Variants in CTNNA2 observed in about 807,000 individuals in gnomAD.
The protein encoded by CTNNA2 is catenin alpha-2.
In CTNNA2, 42 loss-of-function variants were observed where a neutral mutation model predicts 101.0. The observed-to-expected ratio is 0.42, with a 90% CI of 0.32 to 0.54. CTNNA2 has a LOEUF of 0.54. Among genes scored for constraint, CTNNA2 ranks in the 20% least tolerant of loss-of-function variants. The pLI is 0.14. For synonymous variants in CTNNA2, 450 were observed against 456.4 expected (o/e 0.99, Z 0.18); for missense variants, 871 against 1,223.1 (o/e 0.71, Z 4.29).
chr2:79,634,977 G>A (rs1679923519), intron 1 of CTNNA2, among the ~76,000 whole-genome samples: 1 of 152,100 alleles, frequency 6.6e-6, no homozygotes, highest in Non-Finnish European at 1.5e-5. Context: ...ATGGGACAGT[G>A]ACATGATGTC....
intron 3 of CTNNA2, among the ~76,000 whole-genome samples, chr2:79,328,560 T>G (rs940631612): frequency 1.3e-5 from 2 of 152,148 alleles, no homozygotes; most frequent in African/African-American, 4.8e-5. Context: ...TATTAAGGGC[T>G]GGTAGTGTGT....
At chr2:79,661,103 TAA>T (rs1431223685) in intron 2 of CTNNA2, among the ~76,000 whole-genome samples, 2 of 152,224 alleles carry the variant, frequency 1.3e-5, no homozygotes, top group Non-Finnish European at 2.9e-5. Flanking sequence ...TGCCATGTGA[TAA>T]GTCACTTCTT....
chr2:80,219,371 A>G (rs12470088), intron 7 of CTNNA2, among the ~76,000 whole-genome samples: 3,483 of 152,338 alleles, frequency 0.023, 41 homozygotes, highest in East Asian at 0.051. Context: ...GTTATCTATT[A>G]TTATCTTAAT....
At chr2:79,300,701 C>G (rs1676088165) in intron 2 of CTNNA2, among the ~76,000 whole-genome samples, 1 of 152,186 alleles carries the variant, frequency 6.6e-6, no homozygotes, top group Non-Finnish European at 1.5e-5. Context: ...CCATTTCTAA[C>G]TAGTTCAGAC....
intron 7 of CTNNA2, among the ~76,000 whole-genome samples, chr2:80,049,071 A>C (rs1401775010): frequency 1.3e-5 from 2 of 152,242 alleles, no homozygotes; most frequent in Non-Finnish European, 2.9e-5. Flanking sequence ...TCTAATCTGT[A>C]ATTTAAAATA....
At chr2:80,243,225 T>G (rs920638424) in intron 7 of CTNNA2, among the ~76,000 whole-genome samples, 3 of 152,196 alleles carry the variant, frequency 2.0e-5, no homozygotes, top group African/African-American at 7.2e-5. Context: ...TGTCTTCCTT[T>G]TTCTTCTAAG....
intron 14 of CTNNA2, among the ~76,000 whole-genome samples, chr2:80,582,458 C>G (rs1389492480): frequency 1.3e-5 from 2 of 152,088 alleles, no homozygotes; most frequent in African/African-American, 2.4e-5. Flanking sequence ...GATCAGGAAG[C>G]AACAGAGAGA....
intron 2 of CTNNA2, among the ~76,000 whole-genome samples, chr2:79,202,713 G>A (rs915780948): frequency 6.8e-6 from 1 of 146,782 alleles, no homozygotes; most frequent in Non-Finnish European, 1.5e-5. Context: ...GGGGTGGAAG[G>A]GCTTATGGTT....
chr2:80,266,563 C>A (rs538473715), intron 7 of CTNNA2, among the ~76,000 whole-genome samples: 22 of 152,334 alleles, frequency 1.4e-4, no homozygotes, highest in African/African-American at 5.1e-4. Flanking sequence ...CCTCTTCTTC[C>A]ATGGAGAGCT....
chr2:80,528,433 T>C (rs1690229472), intron 9 of CTNNA2, among the ~76,000 whole-genome samples: 1 of 152,118 alleles, frequency 6.6e-6, no homozygotes, highest in Non-Finnish European at 1.5e-5. Context: ...CCTGATCTCG[T>C]GATCTGCCTG....
At chr2:79,856,830 A>G (rs1416508184) in intron 3 of CTNNA2, among the ~76,000 whole-genome samples, 1 of 151,932 alleles carries the variant, frequency 6.6e-6, no homozygotes, top group Non-Finnish European at 1.5e-5. Flanking sequence ...TCCCTCTCCC[A>G]TCTCCTTGGT....
chr2:79,382,906 G>A (rs1032980861), intron 4 of CTNNA2, among the ~76,000 whole-genome samples: 14 of 152,282 alleles, frequency 9.2e-5, no homozygotes, highest in African/African-American at 3.4e-4. Flanking sequence ...GAGCCACCAC[G>A]CCCAGCCATA....
At chr2:80,164,189 T>G (rs1704514938) in intron 7 of CTNNA2, among the ~76,000 whole-genome samples, 1 of 151,766 alleles carries the variant, frequency 6.6e-6, no homozygotes, top group African/African-American at 2.4e-5. Flanking sequence ...TCTGCCATTT[T>G]ATTTTTTGTT....
intron 7 of CTNNA2, among the ~76,000 whole-genome samples, chr2:80,012,256 T>C (rs905391673): frequency 9.9e-5 from 15 of 152,158 alleles, no homozygotes; most frequent in Admixed American, 2.6e-4. Context: ...ACCCAGCAGT[T>C]AGAGTTTCCT....
intron 7 of CTNNA2, among the ~76,000 whole-genome samples, chr2:80,105,357 T>A (rs1700812363): frequency 6.6e-6 from 1 of 152,244 alleles, no homozygotes; most frequent in Non-Finnish European, 1.5e-5. Context: ...GTTCTCCTTC[T>A]GTGGCACCAG....
intron 7 of CTNNA2, among the ~76,000 whole-genome samples, chr2:80,160,381 A>G (rs1432168608): frequency 6.6e-6 from 1 of 152,150 alleles, no homozygotes; most frequent in African/African-American, 2.4e-5. Flanking sequence ...CTGTATATCA[A>G]TTTGGGTAGA....
chr2:79,858,121 G>C lies in CTNNA2; in HGVS notation c.407G>C (p.Arg136Pro). Residue 136 changes from arginine to proline, a missense_variant, in exon 4 of 19, where the codon CGC (arginine) becomes CCC (proline). By Grantham distance (103) the Arg-to-Pro change is moderately radical (BLOSUM62 -2). Around this residue, in one of 5 missense-constraint regions of CTNNA2, gnomAD observed 647 missense variants for 831.5 expected, o/e 0.78. Coordinates refer to ENST00000402739, the MANE Select transcript of CTNNA2 (RefSeq NM_001282597.3). ...AARALLSAVT[R>P]LLILADMADV... ...AGGGCTTTGCTCTCCGCGGTGACAC[G>C]CTTACTCATCCTGGCGGACATGGCA... 1 of 1,613,968 alleles carries C rather than the reference G, an allele frequency of 6.2e-7. No homozygotes were observed. The highest frequency in any genetic ancestry group is 8.5e-7 in the Non-Finnish European group (1 of 1,179,896).
chr2:79,341,256 G>A (rs975298937), intron 3 of CTNNA2, among the ~76,000 whole-genome samples: 2 of 152,116 alleles, frequency 1.3e-5, no homozygotes, highest in African/African-American at 4.8e-5. Context: ...CGTACTTACA[G>A]TCTAGAATGA....
At chr2:79,408,011 G>A (rs1385266803) in intron 4 of CTNNA2, among the ~76,000 whole-genome samples, 4 of 151,968 alleles carry the variant, frequency 2.6e-5, no homozygotes, top group Non-Finnish European at 2.9e-5. Flanking sequence ...TTGAGTTTTT[G>A]TCTGGACTTC....
Sources: gnomAD v4.1 joint callset for allele counts (sites outside exome capture counted in the v4.1 genomes callset) on GRCh38, gnomAD v4.1.1 for gene constraint, gnomAD v4.1.1 regional missense constraint, MANE v1.5 for transcripts, NCBI Gene and HGNC (gene_info 2026-07-23, HGNC 2026-07-21) for gene names.